ST6GALNAC3: variants seen among roughly 807,000 people sequenced by gnomAD.
The protein encoded by ST6GALNAC3 is ST6 N-acetylgalactosaminide alpha-2,6-sialyltransferase 3, also known as alpha-N-acetylgalactosaminide alpha-2,6-sialyltransferase 3.
A neutral mutation model predicts 32.7 loss-of-function variants in ST6GALNAC3; 25 were observed. That is an observed-to-expected ratio of 0.76 (90% CI 0.56 to 1.07). The LOEUF (loss-of-function observed/expected upper bound fraction) is 1.07. ST6GALNAC3 is among the 50% of genes least tolerant of loss of function. The probability of loss-of-function intolerance (pLI) is 0.00; values close to 1 mark genes in which losing one functional copy is unlikely to be tolerated. For missense variants in ST6GALNAC3, 355 were observed against 382.4 expected (o/e 0.93, Z 0.60); for synonymous variants, 129 against 133.1 (o/e 0.97, Z 0.21).
rs1473116179 is a variant in ST6GALNAC3, at chr1:76,546,640, AAC to A, written c.624-80808_624-80807del. The stretch of plus-strand genomic sequence containing the variant: ...AATACACCTGGGGAAAGAGAATCCA[AAC>A]ACAGAGCTGTTCTGGGAAGCAGATG... On this transcript the variant is annotated intron_variant, in intron 3 of 4. Transcript: ENST00000328299. 2.0e-5 allele frequency among the ~76,000 whole-genome samples: 3 copies of A among 152,304 alleles called. No homozygotes were observed. The South Asian group carries it at 6.2e-4, about 32-fold the overall frequency.
intron 2 of ST6GALNAC3, among the ~76,000 whole-genome samples, chr1:76,331,796 G>A (rs1274764073): frequency 6.6e-6 from 1 of 152,114 alleles, no homozygotes; most frequent in Non-Finnish European, 1.5e-5. Context: ...TGTAAATGTA[G>A]GCATTTATTT....
intron 3 of ST6GALNAC3, among the ~76,000 whole-genome samples, chr1:76,414,027 A>G (rs1654450535): frequency 6.6e-6 from 1 of 152,024 alleles, no homozygotes; most frequent in Non-Finnish European, 1.5e-5. Context: ...CTGTTGGTTC[A>G]TGTTTTTATG....
intron 3 of ST6GALNAC3, among the ~76,000 whole-genome samples, chr1:76,548,367 A>T (rs777570293): frequency 6.6e-6 from 1 of 152,140 alleles, no homozygotes; most frequent in African/African-American, 2.4e-5. Flanking sequence ...GAAGTCCATA[A>T]GCACATAGTT....
intron 1 of ST6GALNAC3, among the ~76,000 whole-genome samples, chr1:76,134,080 A>G (rs1160680494): frequency 1.3e-5 from 2 of 152,198 alleles, no homozygotes; most frequent in Non-Finnish European, 2.9e-5. Context: ...ATTTATCCAA[A>G]TAAGGAAGAA....
At chr1:76,572,706 T>G (rs1203786820) in intron 3 of ST6GALNAC3, among the ~76,000 whole-genome samples, 1 of 152,126 alleles carries the variant, frequency 6.6e-6, no homozygotes, top group Admixed American at 6.6e-5. Flanking sequence ...ATTGAACACT[T>G]ATGGAATAAG....
At chr1:76,331,887 CTCTT>C (rs1647193336) in intron 2 of ST6GALNAC3, among the ~76,000 whole-genome samples, 1 of 152,200 alleles carries the variant, frequency 6.6e-6, no homozygotes, top group Admixed American at 6.5e-5. Flanking sequence ...GATTATTCCT[CTCTT>C]TCTATGTAGA....
intron 1 of ST6GALNAC3, among the ~76,000 whole-genome samples, chr1:76,179,018 C>T (rs779903385): frequency 1.1e-4 from 16 of 152,238 alleles, no homozygotes; most frequent in South Asian, 2.1e-4. Context: ...ATTCCCTGCT[C>T]GGCTCAGTGG....
chr1:76,413,453 A>G (rs547425800), intron 3 of ST6GALNAC3, among the ~76,000 whole-genome samples: 43 of 152,270 alleles, frequency 2.8e-4, no homozygotes, highest in African/African-American at 9.6e-4. Context: ...TCACTATTCA[A>G]TATTATCAAA....
intron 3 of ST6GALNAC3, among the ~76,000 whole-genome samples, chr1:76,435,253 A>G (rs1656060955): frequency 6.6e-6 from 1 of 152,200 alleles, no homozygotes. Flanking sequence ...AGAGGTGACT[A>G]TGGAATCTAA....
chr1:76,216,666 A>C (rs189086948), intron 1 of ST6GALNAC3, among the ~76,000 whole-genome samples: 1 of 152,334 alleles, frequency 6.6e-6, no homozygotes, highest in East Asian at 1.9e-4. Context: ...ACAAAACTTT[A>C]TTCATTGGTC....
rs547537889 is a variant in ST6GALNAC3 at position 76,181,026 on chromosome 1, C to T, written c.18+106142C>T. On this transcript the variant is annotated intron_variant, in intron 1 of 4. Transcript: ENST00000328299. ...CTAAAAGAACACACTGTAACATACA[C>T]CCAACTGGGCTCCGGGAGTCACAGG... 1.1e-4 allele frequency among the ~76,000 whole-genome samples: 17 copies of T among 152,354 alleles called. No homozygotes were observed. The South Asian group carries it at 3.3e-3, about 30-fold the overall frequency.
At chr1:76,464,792 G>A (rs1658516144) in intron 3 of ST6GALNAC3, among the ~76,000 whole-genome samples, 1 of 152,138 alleles carries the variant, frequency 6.6e-6, no homozygotes, top group Non-Finnish European at 1.5e-5. Context: ...AGACAGAGAA[G>A]CTGGGAGTAA....
chr1:76,604,286 T>C (rs896659400), intron 3 of ST6GALNAC3, among the ~76,000 whole-genome samples: 5 of 152,150 alleles, frequency 3.3e-5, no homozygotes, highest in Non-Finnish European at 5.9e-5. Context: ...TAATCAAATG[T>C]GTTCAGGAAT....
At chr1:76,481,295 T>C (rs1290094190) in intron 3 of ST6GALNAC3, among the ~76,000 whole-genome samples, 1 of 152,174 alleles carries the variant, frequency 6.6e-6, no homozygotes, top group African/African-American at 2.4e-5. Context: ...ACTGGAGAAT[T>C]TTCTTTTTTG....
At chr1:76,412,789 C>T (rs2101310020) in intron 3 of ST6GALNAC3, among the ~76,000 whole-genome samples, 1 of 152,148 alleles carries the variant, frequency 6.6e-6, no homozygotes, top group African/African-American at 2.4e-5. Flanking sequence ...ATGCATTAAT[C>T]TAAACTCCTC....
chr1:76,201,346 A>T (rs1557692063), intron 1 of ST6GALNAC3, among the ~76,000 whole-genome samples: 1 of 152,242 alleles, frequency 6.6e-6, no homozygotes, highest in African/African-American at 2.4e-5. Context: ...CCCTTTATCA[A>T]ACAATCACAT....
intron 3 of ST6GALNAC3, among the ~76,000 whole-genome samples, chr1:76,505,219 G>T (rs766646520): frequency 3.0e-4 from 45 of 151,920 alleles, no homozygotes; most frequent in Non-Finnish European, 5.1e-4. Context: ...TGCCTCCCGG[G>T]TTCAAGCAAT....
intron 3 of ST6GALNAC3, among the ~76,000 whole-genome samples, chr1:76,478,910 C>T (rs1423043291): frequency 1.2e-4 from 18 of 151,586 alleles, no homozygotes; most frequent in Admixed American, 9.2e-4. Flanking sequence ...CCACAGGTGC[C>T]CGCCACCACG....
intron 3 of ST6GALNAC3, among the ~76,000 whole-genome samples, chr1:76,584,120 C>G (rs1259224015): frequency 6.6e-6 from 1 of 152,092 alleles, no homozygotes; most frequent in Non-Finnish European, 1.5e-5. Flanking sequence ...TTTTATTATC[C>G]CTATCTTTTG....
Sources: allele counts gnomAD v4.1 joint callset (sites outside exome capture counted in the v4.1 genomes callset), GRCh38; gene constraint gnomAD v4.1.1; transcripts MANE v1.5; gene names NCBI Gene and HGNC (gene_info 2026-07-23, HGNC 2026-07-21).